Variants in ADAMTSL1 observed in about 807,000 individuals in gnomAD.
ADAMTSL1 encodes the protein ADAMTS-like protein 1.
ADAMTSL1 carries 126 observed loss-of-function variants against 201.8 expected under a neutral mutation model. The observed-to-expected ratio is 0.62, with a 90% confidence interval of 0.54 to 0.72. The LOEUF is 0.72. Among genes scored for constraint, ADAMTSL1 ranks in the 30% least tolerant of loss-of-function variants. The probability of loss-of-function intolerance (pLI) is 0.00; values close to 1 mark genes in which losing one functional copy is unlikely to be tolerated. For missense variants in ADAMTSL1, 2,679 were observed against 2,277.8 expected (o/e 1.18, Z -3.59); for synonymous variants, 1,121 against 903.4 (o/e 1.24, Z -4.32).
At chr9:18,029,750 C>A (rs190143463) in intron 1 of ADAMTSL1, among the ~76,000 whole-genome samples, 46 of 152,332 alleles carry the variant, frequency 3.0e-4, no homozygotes, top group African/African-American at 1.0e-3. Flanking sequence ...TATGAATAGA[C>A]ACTTCTCAAA....
intron 23 of ADAMTSL1, among the ~76,000 whole-genome samples, chr9:18,878,044 T>C (rs548525812): frequency 2.0e-5 from 3 of 152,246 alleles, no homozygotes; most frequent in South Asian, 2.1e-4. Flanking sequence ...CAAGTTGCCA[T>C]GGAAGTGGGG....
intron 2 of ADAMTSL1, among the ~76,000 whole-genome samples, chr9:18,390,941 G>A (rs759318022): frequency 3.3e-5 from 5 of 152,118 alleles, no homozygotes; most frequent in Non-Finnish European, 7.3e-5. Context: ...TGAGATAAAC[G>A]GAGGTGTTAA....
Position 18,155,228 on chromosome 9 carries a change from G to A in ADAMTSL1, c.88-8634G>A, listed in dbSNP as rs185102890. Among the ~76,000 whole-genome samples the A allele has an allele frequency of 3.4e-3, 516 of 152,136 alleles. 10 individuals are homozygous for A. Among genetic ancestry groups the A allele is most frequent in the Admixed American group, 0.031 (471 of 15,254 alleles). ...TTTGTGAAACAATGTGAGTTAGATT[G>A]CCCAGGAAATGATTTAATTTACTAC... On this transcript the variant is annotated intron_variant, in intron 1 of 29. Transcript: ENST00000680146.
intron 23 of ADAMTSL1, among the ~76,000 whole-genome samples, chr9:18,848,125 C>A (rs1200454943): frequency 6.6e-6 from 1 of 152,082 alleles, no homozygotes; most frequent in Non-Finnish European, 1.5e-5. Context: ...TCTGCCTGGC[C>A]CTGAGCTTCT....
At chr9:18,080,277 T>A (rs1203584611) in intron 1 of ADAMTSL1, among the ~76,000 whole-genome samples, 10 of 152,022 alleles carry the variant, frequency 6.6e-5, no homozygotes, top group African/African-American at 2.4e-4. Context: ...AGATATAAGG[T>A]AAGGTATTTG....
In ADAMTSL1 at chr9:18,706,818, G is replaced by T; in HGVS notation, c.1646G>T (p.Cys549Phe). The change falls in exon 14 of 29, where the codon TGC (cysteine) becomes TTC (phenylalanine). Residue 549 changes from cysteine to phenylalanine, a missense_variant. Physicochemically the swap from Cys to Phe is radical, Grantham distance 205. Coordinates refer to ENST00000380548, the MANE Select transcript of ADAMTSL1 (RefSeq NM_001040272.6). ...GVGTQVRIVR[C>F]QVLLSFSQSV... ...GGGACCCAGGTGCGAATAGTCAGGT[G>T]CCAGGTGCTCCTGTCTTTCTCTCAG... 6.2e-7 allele frequency: 1 copy of T among 1,610,616 alleles called. No homozygotes were observed. The highest frequency in any genetic ancestry group is 1.1e-5 in the South Asian group (1 of 90,352).
intron 3 of ADAMTSL1, among the ~76,000 whole-genome samples, chr9:18,547,809 A>G (rs1298002048): frequency 2.0e-5 from 3 of 152,000 alleles, no homozygotes; most frequent in Admixed American, 6.6e-5. Flanking sequence ...ATTATGGATT[A>G]AAACCCAAAA....
chr9:17,989,121 T>C lies in ADAMTSL1; in HGVS notation c.87+82199T>C, dbSNP rs545817884. Among the ~76,000 whole-genome samples, 18 of 152,080 alleles carry C rather than the reference T, an allele frequency of 1.2e-4. No individual in the cohort carries two copies. In the East Asian group the frequency reaches 3.3e-3, roughly 28 times the overall value. ...TACTTTAATTTTAAATTTTCTTTAT[T>C]TAAAAAACAAATTATGTTTATTACA... On this transcript the variant is annotated intron_variant, in intron 1 of 29. Transcript: ENST00000680146.
At chr9:17,955,719 G>A (rs1034991812) in intron 1 of ADAMTSL1, among the ~76,000 whole-genome samples, 1 of 152,144 alleles carries the variant, frequency 6.6e-6, no homozygotes, top group Non-Finnish European at 1.5e-5. Context: ...TAGATTAACT[G>A]TTGTGGTATT....
At chr9:18,495,622 C>G (rs1822496565) in intron 1 of ADAMTSL1, among the ~76,000 whole-genome samples, 1 of 152,186 alleles carries the variant, frequency 6.6e-6, no homozygotes, top group Non-Finnish European at 1.5e-5. Context: ...GTTACAGCTA[C>G]AGGTTAAGCT....
chr9:18,876,876 G>A (rs1351588254), intron 23 of ADAMTSL1, among the ~76,000 whole-genome samples: 1 of 152,132 alleles, frequency 6.6e-6, no homozygotes, highest in Admixed American at 6.5e-5. Flanking sequence ...TTCTTCCTTG[G>A]GAACATCAAT....
At chr9:18,309,437 C>T (rs1471992009) in intron 2 of ADAMTSL1, among the ~76,000 whole-genome samples, 2 of 151,986 alleles carry the variant, frequency 1.3e-5, no homozygotes, top group Non-Finnish European at 2.9e-5. Flanking sequence ...TTTAGAAAAC[C>T]CCATCATCTC....
rs776953256 is a variant in ADAMTSL1, at chr9:18,777,332, C to G, written c.3103C>G (p.Pro1035Ala). Residue 1035 changes from proline (P) to alanine (A), a missense_variant, in exon 19 of 29, where the codon CCC becomes GCC. Pro to Ala is a conservative substitution (Grantham distance 27). Coordinates refer to ENST00000380548, the MANE Select transcript of ADAMTSL1 (RefSeq NM_001040272.6). ...CCGGCTGCTGGAGCAGGGCGGCTGG[C>G]CCGGAGAGCTGCTGGCCTCGTGGGA... ...VSRLLEQGGWPGELLASWEAQ... is the reference protein window; with the variant it reads ...VSRLLEQGGWAGELLASWEAQ... The G allele has an allele frequency of 3.7e-6, 6 of 1,600,706 alleles. No homozygotes were observed. In the Admixed American group the frequency reaches 6.9e-5, roughly 18 times the overall value.
intron 2 of ADAMTSL1, among the ~76,000 whole-genome samples, chr9:18,285,071 T>C (rs1048457710): frequency 2.0e-5 from 3 of 152,166 alleles, no homozygotes; most frequent in African/African-American, 4.8e-5. Context: ...CAATGAATGG[T>C]TGGATATTCA....
At chr9:17,960,325 T>C (rs1166436846) in intron 1 of ADAMTSL1, among the ~76,000 whole-genome samples, 1 of 152,212 alleles carries the variant, frequency 6.6e-6, no homozygotes, top group Non-Finnish European at 1.5e-5. Flanking sequence ...ATGTCAGCCT[T>C]GAGGGACACT....
At position 18,713,101 on chromosome 9, in the gene ADAMTSL1, G is replaced by A. The variant is rs376992032; in HGVS notation, c.1876+6053G>A. ...CCCTAAAAGAGCTCCTGAAGGAAGC[G>A]CTAAACATGGAAAGGAACAACCGGT... On this transcript the variant is annotated intron_variant, in intron 14 of 28. Coordinates refer to ENST00000380548, the MANE Select transcript of ADAMTSL1 (RefSeq NM_001040272.6). Among the ~76,000 whole-genome samples the A allele has an allele frequency of 7.3e-3, 1,096 of 150,848 alleles. 20 individuals are homozygous for A. The highest frequency in any genetic ancestry group is 0.025 in the African/African-American group (1,019 of 40,964).
intron 1 of ADAMTSL1, among the ~76,000 whole-genome samples, chr9:18,118,560 T>C (rs1050650780): frequency 9.2e-5 from 14 of 152,108 alleles, no homozygotes; most frequent in African/African-American, 3.4e-4. Flanking sequence ...CAGTCTGAGA[T>C]TGCCTTTAAT....
At chr9:18,226,782 G>C (rs1186285612) in intron 2 of ADAMTSL1, among the ~76,000 whole-genome samples, 2 of 151,834 alleles carry the variant, frequency 1.3e-5, no homozygotes, top group Admixed American at 6.6e-5. Context: ...TACTTTGAGG[G>C]GTTCATTGAA....
At chr9:18,304,868 T>C (rs1175661609) in intron 2 of ADAMTSL1, among the ~76,000 whole-genome samples, 1 of 152,214 alleles carries the variant, frequency 6.6e-6, no homozygotes, top group Non-Finnish European at 1.5e-5. Flanking sequence ...AAAATGTTTC[T>C]GTTTTATTCT....
Sources: allele counts gnomAD v4.1 joint callset (sites outside exome capture counted in the v4.1 genomes callset), GRCh38; gene constraint gnomAD v4.1.1; transcripts MANE v1.5; gene names NCBI Gene and HGNC (gene_info 2026-07-23, HGNC 2026-07-21).